The following CNTN4 variants were observed in gnomAD, a reference collection of about 807,000 sequenced individuals.
CNTN4 encodes the protein contactin 4, also known as contactin-4.
Under a neutral mutation model 122.5 loss-of-function variants are expected in CNTN4, and 77 were observed. The observed-to-expected ratio is 0.63, with a 90% CI of 0.52 to 0.76. CNTN4 has a LOEUF of 0.76. Among genes scored for constraint, CNTN4 ranks in the 30% least tolerant of loss-of-function variants. The probability of loss-of-function intolerance (pLI) is 0.00; values close to 1 mark genes in which losing one functional copy is unlikely to be tolerated. For synonymous variants in CNTN4, 512 were observed against 447.0 expected, an observed-to-expected ratio of 1.15 and a Z score of -1.83; for missense variants, 1,256 against 1,259.1, an observed-to-expected ratio of 1.00 and a Z score of 0.04.
intron 2 of CNTN4, among the ~76,000 whole-genome samples, chr3:2,284,028 A>C (rs1189263606): frequency 6.6e-6 from 1 of 152,094 alleles, no homozygotes; most frequent in Non-Finnish European, 1.5e-5. Context: ...ATGTGGGCTA[A>C]AACCAGCTGA....
chr3:2,772,785 A>G (rs533003873), intron 6 of CNTN4, among the ~76,000 whole-genome samples: 3 of 152,344 alleles, frequency 2.0e-5, no homozygotes, highest in Admixed American at 2.0e-4. Flanking sequence ...TAGATTTTAA[A>G]TCATGAGAAT....
At chr3:2,933,559 G>A (rs1272667222) in intron 13 of CNTN4, among the ~76,000 whole-genome samples, 2 of 152,138 alleles carry the variant, frequency 1.3e-5, no homozygotes, top group African/African-American at 2.4e-5. Flanking sequence ...CTTTGGCATA[G>A]TGAGTTTGGA....
intron 4 of CNTN4, among the ~76,000 whole-genome samples, chr3:2,572,105 T>C (rs1310644389): frequency 6.6e-6 from 1 of 152,122 alleles, no homozygotes; most frequent in African/African-American, 2.4e-5. Flanking sequence ...AGTTCAAACA[T>C]GGCTGGGCGC....
intron 6 of CNTN4, among the ~76,000 whole-genome samples, chr3:2,815,158 C>T (rs1013182903): frequency 6.6e-6 from 1 of 152,164 alleles, no homozygotes; most frequent in Non-Finnish European, 1.5e-5. Context: ...TTGGAAAACC[C>T]TTCTGGACAT....
intron 2 of CNTN4, among the ~76,000 whole-genome samples, chr3:2,246,447 T>C (rs2040153899): frequency 6.6e-6 from 1 of 152,016 alleles, no homozygotes; most frequent in African/African-American, 2.4e-5. Context: ...AATTGCTGTG[T>C]TTAACATTTG....
intron 12 of CNTN4, among the ~76,000 whole-genome samples, chr3:2,917,295 A>G (rs1166915914): frequency 1.3e-5 from 2 of 149,338 alleles, no homozygotes; most frequent in Admixed American, 1.3e-4. Flanking sequence ...GGAAAGCGGG[A>G]GGCGGAGACG....
At chr3:2,321,684 C>G (rs941245066) in intron 2 of CNTN4, among the ~76,000 whole-genome samples, 2 of 151,780 alleles carry the variant, frequency 1.3e-5, no homozygotes, top group East Asian at 3.9e-4. Flanking sequence ...GACCTAGTAT[C>G]TCAGGTTTCT....
chr3:2,584,717 A>T (rs993468813), intron 4 of CNTN4, among the ~76,000 whole-genome samples: 2 of 151,282 alleles, frequency 1.3e-5, no homozygotes, highest in African/African-American at 2.4e-5. Context: ...AAAAAAAAAA[A>T]AAAAGAATAA....
chr3:2,287,107 A>G (rs529363943), intron 2 of CNTN4, among the ~76,000 whole-genome samples: 2 of 152,312 alleles, frequency 1.3e-5, no homozygotes, highest in Admixed American at 1.3e-4. Flanking sequence ...GGCTTGTTGT[A>G]GAGATGATTT....
intron 6 of CNTN4, among the ~76,000 whole-genome samples, chr3:2,771,820 A>G (rs1381631149): frequency 6.6e-6 from 1 of 152,184 alleles, no homozygotes; most frequent in Non-Finnish European, 1.5e-5. Context: ...GAAAACATGG[A>G]GAAGCAATAT....
chr3:2,348,638 T>C (rs1426620454), intron 3 of CNTN4, among the ~76,000 whole-genome samples: 1 of 152,220 alleles, frequency 6.6e-6, no homozygotes, highest in Non-Finnish European at 1.5e-5. Flanking sequence ...ATTCATTATT[T>C]TTCTGTGCCT....
intron 13 of CNTN4, among the ~76,000 whole-genome samples, chr3:2,969,231 C>A (rs1251368213): frequency 6.6e-6 from 1 of 152,144 alleles, no homozygotes; most frequent in Non-Finnish European, 1.5e-5. Flanking sequence ...CGACAAATGA[C>A]CCCTAGCGGA....
intron 4 of CNTN4, among the ~76,000 whole-genome samples, chr3:2,597,664 A>C (rs2080834155): frequency 6.6e-6 from 1 of 152,164 alleles, no homozygotes; most frequent in Admixed American, 6.5e-5. Flanking sequence ...GGAAGAGCCC[A>C]GTCAGAGGAG....
chr3:3,030,811 G>C, intron 15 of CNTN4, 44 bp from the exon 16 acceptor site: 2 of 1,600,262 alleles, frequency 1.2e-6, no homozygotes, highest in Non-Finnish European at 1.7e-6. Flanking sequence ...GATATTTAGA[G>C]CTCATTAAAA....
intron 6 of CNTN4, among the ~76,000 whole-genome samples, chr3:2,785,696 A>G (rs1447287028): frequency 6.6e-6 from 1 of 152,196 alleles, no homozygotes; most frequent in Non-Finnish European, 1.5e-5. Context: ...GCAGGATTAC[A>G]TTGCATAATT....
intron 2 of CNTN4, among the ~76,000 whole-genome samples, chr3:2,154,182 C>T (rs557667876): frequency 4.6e-5 from 7 of 151,928 alleles, no homozygotes; most frequent in South Asian, 4.2e-4. Flanking sequence ...GTCAAGAGTT[C>T]GAGACCAGCA....
chr3:2,542,325 G>A (rs2078065603), intron 3 of CNTN4, among the ~76,000 whole-genome samples: 1 of 152,108 alleles, frequency 6.6e-6, no homozygotes, highest in Non-Finnish European at 1.5e-5. Context: ...AGGCAAAACA[G>A]GACTTCCATG....
intron 20 of CNTN4, among the ~76,000 whole-genome samples, chr3:3,040,699 G>A (rs11129393): frequency 7.9e-5 from 12 of 152,026 alleles, no homozygotes; most frequent in Admixed American, 1.3e-4. Context: ...AGGCCAAGGC[G>A]GGTGGATCAC....
intron 2 of CNTN4, among the ~76,000 whole-genome samples, chr3:2,158,993 T>C (rs1457249138): frequency 6.6e-6 from 1 of 152,154 alleles, no homozygotes; most frequent in African/African-American, 2.4e-5. Context: ...GCTTTCAGTT[T>C]GCAGTCTCTG....
Sources: allele counts gnomAD v4.1 joint callset (sites outside exome capture counted in the v4.1 genomes callset), GRCh38; gene constraint gnomAD v4.1.1; transcripts MANE v1.5; gene names NCBI Gene and HGNC (gene_info 2026-07-23, HGNC 2026-07-21).